PDZRN4: variants seen among roughly 807,000 people sequenced by gnomAD.
PDZRN4 encodes the protein PDZ domain containing ring finger 4, also known as PDZ domain-containing RING finger protein 4.
A neutral mutation model predicts 99.0 loss-of-function variants in PDZRN4; 70 were observed. The observed-to-expected ratio is 0.71, with a 90% CI of 0.58 to 0.86. PDZRN4 has a LOEUF of 0.86. Ranked by LOEUF, PDZRN4 falls within the 40% of genes least tolerant of loss-of-function variation. The pLI is 0.00. For missense variants in PDZRN4, 1,474 were observed against 1,331.2 expected (o/e 1.11, Z -1.67); for synonymous variants, 551 against 501.6 (o/e 1.10, Z -1.32).
chr12:41,276,450 C>T (rs11830052), intron 3 of PDZRN4, among the ~76,000 whole-genome samples: 2,317 of 151,814 alleles, frequency 0.015, 59 homozygotes, highest in African/African-American at 0.054. Flanking sequence ...ATTTTATACA[C>T]GTCATAGTTC....
At chr12:41,477,752 A>T (rs558481568) in intron 3 of PDZRN4, 37 of 711,856 alleles carry the variant, frequency 5.2e-5, no homozygotes, top group Admixed American at 5.2e-4. Flanking sequence ...CCAAATAAAA[A>T]TATCCTAGAA....
intron 3 of PDZRN4, among the ~76,000 whole-genome samples, chr12:41,272,831 A>G (rs1180616216): frequency 6.6e-6 from 1 of 152,044 alleles, no homozygotes; most frequent in African/African-American, 2.4e-5. Flanking sequence ...TTGTCAATTA[A>G]AGGCCTTTAG....
intron 3 of PDZRN4, among the ~76,000 whole-genome samples, chr12:41,324,057 A>T (rs1023781520): frequency 6.6e-6 from 1 of 152,100 alleles, no homozygotes; most frequent in Non-Finnish European, 1.5e-5. Flanking sequence ...ACTTGCAGTA[A>T]TATATGAAAT....
In PDZRN4 at chr12:41,440,884, C is replaced by A. The variant is rs11180919; in HGVS notation, c.844-65572C>A. On this transcript the variant is annotated intron_variant, in intron 3 of 9. Transcript: ENST00000402685. The stretch of plus-strand genomic sequence containing the variant: ...TGGGAACAATGTCCTTCTATTGACA[C>A]AAACTGAACTGCCTGTTTCTTATTA... Among the ~76,000 whole-genome samples, 4 of 152,262 alleles carry A rather than the reference C, an allele frequency of 2.6e-5. No homozygotes were observed. In the East Asian group the frequency reaches 7.7e-4, roughly 29 times the overall value.
intron 3 of PDZRN4, among the ~76,000 whole-genome samples, chr12:41,291,964 G>A (rs1246047753): frequency 6.6e-6 from 1 of 152,120 alleles, no homozygotes; most frequent in Non-Finnish European, 1.5e-5. Flanking sequence ...AGGATAACTG[G>A]AAATATACTA....
intron 7 of PDZRN4, among the ~76,000 whole-genome samples, chr12:41,556,879 G>T (rs549260949): frequency 1.3e-5 from 2 of 151,622 alleles, no homozygotes; most frequent in East Asian, 3.9e-4. Flanking sequence ...GCCAGGCCCG[G>T]TGGCTCACGC....
At chr12:41,464,783 G>A (rs1952908674) in intron 3 of PDZRN4, among the ~76,000 whole-genome samples, 2 of 141,890 alleles carry the variant, frequency 1.4e-5, no homozygotes, top group Non-Finnish European at 3.1e-5. Flanking sequence ...AAATTTCATT[G>A]TTAAATGAGT....
intron 3 of PDZRN4, among the ~76,000 whole-genome samples, chr12:41,443,035 C>T (rs1439919198): frequency 6.6e-6 from 1 of 152,112 alleles, no homozygotes; most frequent in Non-Finnish European, 1.5e-5. Context: ...AACTACTCAG[C>T]AGATGTCTTA....
chr12:41,568,195 A>C (rs934028097), intron 9 of PDZRN4, among the ~76,000 whole-genome samples: 10 of 152,214 alleles, frequency 6.6e-5, no homozygotes, highest in African/African-American at 2.4e-4. Flanking sequence ...AAGAGTAAAA[A>C]ATGTGTGTTG....
At chr12:41,206,643 A>G (rs1227473137) in intron 3 of PDZRN4, among the ~76,000 whole-genome samples, 1 of 151,798 alleles carries the variant, frequency 6.6e-6, no homozygotes, top group East Asian at 1.9e-4. Flanking sequence ...TATTTAATGA[A>G]TACATTGGTA....
At chr12:41,378,988 A>G (rs1952102642) in intron 3 of PDZRN4, among the ~76,000 whole-genome samples, 1 of 152,174 alleles carries the variant, frequency 6.6e-6, no homozygotes, top group Non-Finnish European at 1.5e-5. Context: ...CTGTTTTTCA[A>G]AGGTGCTATA....
chr12:41,276,740 G>A (rs963126437), intron 3 of PDZRN4, among the ~76,000 whole-genome samples: 1 of 152,100 alleles, frequency 6.6e-6, no homozygotes, highest in African/African-American at 2.4e-5. Context: ...ATACTATTCT[G>A]CAGATTACAA....
At chr12:41,455,544 A>C (rs1459492305) in intron 3 of PDZRN4, among the ~76,000 whole-genome samples, 2 of 152,210 alleles carry the variant, frequency 1.3e-5, no homozygotes, top group African/African-American at 4.8e-5. Flanking sequence ...TATTGCAGCA[A>C]AAATAAATAA....
chr12:41,275,877 G>A (rs574621439), intron 3 of PDZRN4, among the ~76,000 whole-genome samples: 1 of 152,110 alleles, frequency 6.6e-6, no homozygotes, highest in Non-Finnish European at 1.5e-5. Flanking sequence ...TAGAGAAAAT[G>A]TACAGGCTGG....
intron 3 of PDZRN4, among the ~76,000 whole-genome samples, chr12:41,289,643 G>A (rs1254683651): frequency 6.8e-6 from 1 of 147,992 alleles, no homozygotes; most frequent in Non-Finnish European, 1.5e-5. Context: ...AGTGCAGCTT[G>A]CAAGGCACGG....
chr12:41,328,309 G>A (rs1951722510), intron 3 of PDZRN4, among the ~76,000 whole-genome samples: 1 of 151,898 alleles, frequency 6.6e-6, no homozygotes, highest in Non-Finnish European at 1.5e-5. Flanking sequence ...ATATAATACT[G>A]AAAAATATAG....
intron 3 of PDZRN4, among the ~76,000 whole-genome samples, chr12:41,481,106 C>T (rs1937666402): frequency 6.6e-6 from 1 of 151,964 alleles, no homozygotes; most frequent in African/African-American, 2.4e-5. Context: ...CTATATCTAT[C>T]TCACCATTTC....
rs1386723971 is a variant in PDZRN4, at chr12:41,573,171, A to G, written c.2392A>G (p.Thr798Ala). The part of the protein sequence containing the change: ...KESTSTKAKT[T>A]EQGCSAESKE... ...GTCGACCTCCACCAAAGCCAAAACC[A>G]CTGAGCAAGGTTGTAGCGCTGAAAG... Residue 798 changes from threonine (T) to alanine (A), a missense_variant, in exon 10 of 10, where the codon ACT becomes GCT. Physicochemically the swap from Thr to Ala is moderately conservative, Grantham distance 58. Coordinates refer to ENST00000402685, the MANE Select transcript of PDZRN4 (RefSeq NM_001164595.2). 3.1e-6 allele frequency: 5 copies of G among 1,613,948 alleles called. No homozygotes were observed. In the African/African-American group the frequency reaches 5.3e-5, roughly 17 times the overall value.
chr12:41,366,917 A>G (rs778287778), intron 3 of PDZRN4, among the ~76,000 whole-genome samples: 11 of 152,088 alleles, frequency 7.2e-5, no homozygotes, highest in East Asian at 1.9e-4. Flanking sequence ...TGAGTGGGCT[A>G]CAATGCAGTT....
Sources: allele counts gnomAD v4.1 joint callset (sites outside exome capture counted in the v4.1 genomes callset), GRCh38; gene constraint gnomAD v4.1.1; transcripts MANE v1.5; gene names NCBI Gene and HGNC (gene_info 2026-07-23, HGNC 2026-07-21).